The following TDP1 variants were observed in gnomAD, a reference collection of about 807,000 sequenced individuals.
TDP1 encodes tyr-DNA phosphodiesterase 1.
In TDP1, 64 loss-of-function variants were observed where a neutral mutation model predicts 81.5. The ratio of observed to expected loss-of-function variants is 0.79; its 90% CI spans 0.64 to 0.97. The LOEUF is 0.97. TDP1 is among the 50% of genes least tolerant of loss of function. TDP1 has a pLI of 0.00. For synonymous variants in TDP1, 256 were observed against 264.3 expected, an observed-to-expected ratio of 0.97 and a Z score of 0.30; for missense variants, 723 against 743.8, an observed-to-expected ratio of 0.97 and a Z score of 0.33.
At chr14:89,976,726 G>A (rs898791939) in intron 7 of TDP1, among the ~76,000 whole-genome samples, 37 of 151,496 alleles carry the variant, frequency 2.4e-4, no homozygotes, top group South Asian at 2.1e-4. Flanking sequence ...TATTAGAGAC[G>A]GGGTTTCACC....
At position 89,969,730 on chromosome 14, in the gene TDP1, A is replaced by G. The variant is rs1432243828; in HGVS notation, c.660-1445A>G. The stretch of plus-strand genomic sequence containing the variant: ...GTACTGGAAATAGATGTTTCTCTCT[A>G]GTTGATTGTTGTTCCTTTGTGAATG... On this transcript the variant is annotated intron_variant, in intron 5 of 16. Transcript: ENST00000335725. 2.0e-5 allele frequency among the ~76,000 whole-genome samples: 3 copies of G among 152,132 alleles called. No homozygotes were observed. In the East Asian group the frequency reaches 5.8e-4, roughly 29 times the overall value.
At chr14:90,005,606 T>G (rs1257728077) in intron 14 of TDP1, among the ~76,000 whole-genome samples, 1 of 152,168 alleles carries the variant, frequency 6.6e-6, no homozygotes, top group Non-Finnish European at 1.5e-5. Context: ...TGGTGTTAAG[T>G]CCTTATTATA....
chr14:89,977,396 C>T (rs1265471625), intron 7 of TDP1, among the ~76,000 whole-genome samples: 2 of 152,094 alleles, frequency 1.3e-5, no homozygotes, highest in Non-Finnish European at 2.9e-5. Context: ...CTCCCAGGTT[C>T]AAGCAATTCT....
intron 16 of TDP1, among the ~76,000 whole-genome samples, chr14:90,034,565 A>G (rs1887634098): frequency 6.6e-6 from 1 of 152,220 alleles, no homozygotes; most frequent in Non-Finnish European, 1.5e-5. Context: ...AGCCCTGAGA[A>G]TATCTGTCTT....
rs1390260103 is a variant in TDP1, at chr14:89,963,616, C to T, written c.502C>T (p.Leu168Phe). ...TAAAGGGAACCCCTTCCAGTTTTAC[C>T]TCACTAGAGTCTCTGGAGTTAAGCC... is the stretch of plus-strand genomic sequence containing the variant. ...LDKGNPFQFY[L>F]TRVSGVKPKY... is the part of the protein sequence containing the mutation. The change falls in exon 3 of 17, where the codon CTC (leucine) becomes TTC (phenylalanine). Residue 168 changes from leucine (L) to phenylalanine (F), a missense_variant. Transcript: ENST00000335725. The T allele has an allele frequency of 1.9e-6, 3 of 1,614,114 alleles. No individual in the cohort carries two copies.
chr14:90,041,950 C>T (rs1888401339), intron 16 of TDP1, among the ~76,000 whole-genome samples: 1 of 152,198 alleles, frequency 6.6e-6, no homozygotes, highest in South Asian at 2.1e-4. Flanking sequence ...CCATAGTAAT[C>T]CCTGCCAGTT....
chr14:90,000,149 G>A lies in TDP1; in HGVS notation c.1541+6666G>A, dbSNP rs547954418. On this transcript the variant is annotated intron_variant, in intron 14 of 16. Transcript: ENST00000335725. ...TCAGCCCGGCGTTCTCGGCTCCTAGGTGCTGCCCGTGGTGGTCTGCTGCAT... is the reference window on the plus strand; with the variant it reads ...TCAGCCCGGCGTTCTCGGCTCCTAGATGCTGCCCGTGGTGGTCTGCTGCAT... 2.0e-5 allele frequency among the ~76,000 whole-genome samples: 3 copies of A among 152,228 alleles called. No individual in the cohort carries two copies. The South Asian group carries it at 6.2e-4, about 32-fold the overall frequency.
rs191963506 is a variant in TDP1 at position 90,008,580 on chromosome 14, G to T, written c.1542-10736G>T. Among the ~76,000 whole-genome samples the T allele has an allele frequency of 1.6e-3, 237 of 152,278 alleles. 2 individuals are homozygous for T. The highest frequency in any genetic ancestry group is 5.4e-3 in the African/African-American group (223 of 41,550). On this transcript the variant is annotated intron_variant, in intron 14 of 16. Coordinates refer to ENST00000335725, the MANE Select transcript of TDP1 (RefSeq NM_018319.4). ...GAATAGGTATCTAATAGTTAAGAAT[G>T]AAAATAAATAGAATATATAAAGGTA...
At chr14:90,026,824 G>A (rs1172640338) in intron 15 of TDP1, among the ~76,000 whole-genome samples, 9 of 152,218 alleles carry the variant, frequency 5.9e-5, no homozygotes, top group African/African-American at 1.7e-4. Flanking sequence ...ATTCCATGGT[G>A]TGTATGTGCC....
chr14:89,964,825 C>A (rs1339015009), intron 3 of TDP1: 11 of 432,586 alleles, frequency 2.5e-5, no homozygotes, highest in Non-Finnish European at 4.6e-6. Context: ...GGAGCTCTTA[C>A]ATATATTTTC....
rs539608647 is a variant in TDP1, at chr14:89,987,621, A to G, written c.1132-1284A>G. Among the ~76,000 whole-genome samples the G allele has an allele frequency of 3.1e-3, 479 of 152,236 alleles. 4 individuals carry two copies. The highest frequency in any genetic ancestry group is 4.5e-3 in the Non-Finnish European group (304 of 68,006). On this transcript the variant is annotated intron_variant, in intron 10 of 16. Transcript: ENST00000335725. ...CTTCCTGGGCAGAACTAGGTTGTAA[A>G]GATGGCTGAAACTCTCCAGGTGGGA... is the stretch of plus-strand genomic sequence containing the variant.
chr14:89,988,888 C>G lies in TDP1; in HGVS notation c.1132-17C>G, dbSNP rs1895860489. 1 of 1,613,932 alleles carries G rather than the reference C, an allele frequency of 6.2e-7. No individual in the cohort carries two copies. The highest frequency in any genetic ancestry group is 8.5e-7 in the Non-Finnish European group (1 of 1,179,864). ...ATTATTTGAGTCACTTTAACATTCA[C>G]TTTTATTCTTTCCCAGCTTCTGAAA... On this transcript the variant is annotated splice_polypyrimidine_tract_variant and intron_variant, in intron 10 of 16. Transcript: ENST00000335725.
At chr14:89,982,197 A>G (rs75050704) in intron 8 of TDP1, among the ~76,000 whole-genome samples, 2,616 of 152,252 alleles carry the variant, frequency 0.017, 68 homozygotes, top group African/African-American at 0.059. Context: ...TCGCTTTTCT[A>G]TAAACATGTT....
intron 15 of TDP1, among the ~76,000 whole-genome samples, chr14:90,023,263 T>C (rs1235995140): frequency 6.6e-6 from 1 of 152,186 alleles, no homozygotes; most frequent in African/African-American, 2.4e-5. Context: ...GAGTATGAGC[T>C]TAACTGCTGT....
At chr14:90,016,740 T>C (rs1885360085) in intron 14 of TDP1, among the ~76,000 whole-genome samples, 1 of 148,168 alleles carries the variant, frequency 6.7e-6, no homozygotes, top group Admixed American at 6.6e-5. Flanking sequence ...CACACACACA[T>C]ATGTATACAA....
At chr14:89,997,417 T>C (rs1896730116) in intron 14 of TDP1, among the ~76,000 whole-genome samples, 3 of 152,186 alleles carry the variant, frequency 2.0e-5, no homozygotes, top group African/African-American at 7.2e-5. Context: ...TTGTCACTGA[T>C]ATCAGTATAG....
intron 16 of TDP1, among the ~76,000 whole-genome samples, chr14:90,034,762 T>C (rs1166565645): frequency 6.6e-6 from 1 of 152,246 alleles, no homozygotes; most frequent in Admixed American, 6.5e-5. Context: ...AAAAGATTTT[T>C]TTTTCAATTG....
chr14:90,025,165 C>G (rs1886505893), intron 15 of TDP1, among the ~76,000 whole-genome samples: 1 of 152,206 alleles, frequency 6.6e-6, no homozygotes, highest in South Asian at 2.1e-4. Flanking sequence ...GTGTCACACA[C>G]TGCAGAGGCC....
chr14:90,001,613 T>C (rs1418969170), intron 14 of TDP1, among the ~76,000 whole-genome samples: 1 of 152,224 alleles, frequency 6.6e-6, no homozygotes, highest in East Asian at 1.9e-4. Flanking sequence ...CTGTAGTGGC[T>C]CAGAACTGAA....
Sources: allele counts gnomAD v4.1 joint callset (sites outside exome capture counted in the v4.1 genomes callset), GRCh38; gene constraint gnomAD v4.1.1; transcripts MANE v1.5; gene names NCBI Gene and HGNC (gene_info 2026-07-23, HGNC 2026-07-21).